The following BICD1 variants were observed in gnomAD, a reference collection of about 807,000 sequenced individuals.
BICD1 encodes the protein BICD cargo adaptor 1.
In BICD1, 35 loss-of-function variants were observed where a neutral mutation model predicts 92.5. The observed-to-expected ratio is 0.38, with a 90% CI of 0.29 to 0.50. The LOEUF is 0.50. Ranked by LOEUF, BICD1 falls within the 20% of genes least tolerant of loss-of-function variation. The probability of loss-of-function intolerance (pLI) is 0.93; values close to 1 mark genes in which losing one functional copy is unlikely to be tolerated. For missense variants in BICD1, 950 were observed against 1,189.8 expected (o/e 0.80, Z 2.97); for synonymous variants, 429 against 465.1 (o/e 0.92, Z 1.00).
At chr12:32,257,543 G>A (rs1477194881) in intron 2 of BICD1, among the ~76,000 whole-genome samples, 1 of 152,092 alleles carries the variant, frequency 6.6e-6, no homozygotes, top group East Asian at 1.9e-4. Context: ...GAGTAGGCAT[G>A]TAATTTGGTA....
chr12:32,225,182 T>C (rs1379570136), intron 2 of BICD1, among the ~76,000 whole-genome samples: 2 of 152,216 alleles, frequency 1.3e-5, no homozygotes, highest in Non-Finnish European at 2.9e-5. Flanking sequence ...TTTTTTTCTT[T>C]TCAGGAATGT....
chr12:32,342,312 C>T lies in BICD1; in HGVS notation c.2764+3333C>T, dbSNP rs182860632. ...CTCTGTCACCCAGGCTGGAGTGGAG[C>T]GGCGCAACCTTGGCTCACTGCAAGC... On this transcript the variant is annotated intron_variant, in intron 8 of 9. Transcript: ENST00000652176. Among the ~76,000 whole-genome samples the T allele has an allele frequency of 5.4e-3, 791 of 145,696 alleles. 4 individuals are homozygous for T. Among genetic ancestry groups the T allele is most frequent in the Middle Eastern group, 0.011 (3 of 276 alleles).
At chr12:32,207,421 G>A (rs161963) in intron 1 of BICD1, among the ~76,000 whole-genome samples, 151,643 of 152,352 alleles carry the variant, frequency 1, 75,474 homozygotes, top group Middle Eastern at 1. Flanking sequence ...ATATTTAGTT[G>A]AGAAGTATGG....
intron 8 of BICD1, among the ~76,000 whole-genome samples, chr12:32,357,716 C>T (rs1482004861): frequency 1.3e-5 from 2 of 152,162 alleles, no homozygotes; most frequent in Admixed American, 1.3e-4. Flanking sequence ...GTCCTCGCAT[C>T]TCTGTGCACT....
chr12:32,216,806 G>A (rs1945375485), intron 2 of BICD1, among the ~76,000 whole-genome samples: 1 of 152,350 alleles, frequency 6.6e-6, no homozygotes, highest in East Asian at 1.9e-4. Flanking sequence ...ACGGTTGGCT[G>A]TAATGCTCTG....
At position 32,306,009 on chromosome 12, in the gene BICD1, G is replaced by A; in HGVS notation, c.892G>A (p.Gly298Arg). The A allele has an allele frequency of 1.2e-6, 2 of 1,614,182 alleles. No individual in the cohort carries two copies. Among genetic ancestry groups the A allele is most frequent in the Non-Finnish European group, 8.5e-7 (1 of 1,180,026 alleles). ...HIHGPLVKLN[G>R]DYRTPTLRKG... is the part of the protein sequence containing the mutation. ...CCATGGGCCTCTTGTGAAACTGAAT[G>A]GAGACTATCGGACTCCCACCTTAAG... The change falls in exon 4 of 10, where the codon GGA becomes AGA. Residue 298 changes from glycine to arginine, a missense_variant. Around this residue, in one of 5 missense-constraint regions of BICD1, gnomAD observed 246 missense variants for 258.4 expected, o/e 0.95. Transcript: ENST00000652176.
chr12:32,340,231 G>A (rs1414571905), intron 8 of BICD1: 8 of 985,208 alleles, frequency 8.1e-6, no homozygotes, highest in African/African-American at 1.7e-5. Context: ...TGCATTTCAC[G>A]TTCTAAAGGT....
chr12:32,296,599 G>A (rs1052612398), intron 3 of BICD1, among the ~76,000 whole-genome samples: 2 of 151,898 alleles, frequency 1.3e-5, no homozygotes, highest in African/African-American at 4.8e-5. Flanking sequence ...GGTTATTGAT[G>A]AAACACATAG....
intron 1 of BICD1, among the ~76,000 whole-genome samples, chr12:32,172,975 C>A (rs1056710840): frequency 1.3e-5 from 2 of 152,198 alleles, no homozygotes; most frequent in Non-Finnish European, 2.9e-5. Flanking sequence ...CATAAAGTGC[C>A]TGAGTTCACC....
intron 2 of BICD1, among the ~76,000 whole-genome samples, chr12:32,217,089 CAG>C (rs1340215709): frequency 2.0e-5 from 3 of 152,208 alleles, no homozygotes; most frequent in African/African-American, 4.8e-5. Flanking sequence ...TTCAAACTGG[CAG>C]AGTCATCCTT....
chr12:32,355,284 C>T (rs1444596745), intron 8 of BICD1, among the ~76,000 whole-genome samples: 1 of 152,144 alleles, frequency 6.6e-6, no homozygotes, highest in Non-Finnish European at 1.5e-5. Context: ...GTAAACTCTC[C>T]TTTCAAGTGA....
At position 32,234,016 on chromosome 12, in the gene BICD1, C is replaced by T. The variant is rs188007123; in HGVS notation, c.426+17557C>T. Among the ~76,000 whole-genome samples, 18 of 152,180 alleles carry T rather than the reference C, an allele frequency of 1.2e-4. No individual in the cohort carries two copies. The East Asian group carries it at 1.9e-3, about 16-fold the overall frequency. ...ACCTAATGAATGAGCTTAGTGATAT[C>T]GTAATGAATTTTTATATATACCTCA... On this transcript the variant is annotated intron_variant, in intron 2 of 9. Transcript: ENST00000652176.
At chr12:32,130,173 C>T (rs1311010110) in intron 1 of BICD1, among the ~76,000 whole-genome samples, 1 of 151,384 alleles carries the variant, frequency 6.6e-6, no homozygotes, top group East Asian at 1.9e-4. Flanking sequence ...CATTAATTTA[C>T]AAAAATTTTA....
chr12:32,312,362 G>T (rs1367724933), intron 4 of BICD1, among the ~76,000 whole-genome samples: 1 of 152,124 alleles, frequency 6.6e-6, no homozygotes, highest in African/African-American at 2.4e-5. Context: ...TTGAAGCCCT[G>T]GTGATAATGC....
chr12:32,230,724 T>TTACC (rs1945859922), intron 2 of BICD1, among the ~76,000 whole-genome samples: 1 of 151,978 alleles, frequency 6.6e-6, no homozygotes, highest in Admixed American at 6.5e-5. Flanking sequence ...CTCACCTCAC[T>TTACC]TTCCAGCCAT....
chr12:32,134,778 A>G (rs1408764283), intron 1 of BICD1, among the ~76,000 whole-genome samples: 1 of 152,218 alleles, frequency 6.6e-6, no homozygotes, highest in African/African-American at 2.4e-5. Flanking sequence ...GTGAAACACC[A>G]TAGTGTCGGG....
At chr12:32,234,336 G>A (rs1009139191) in intron 2 of BICD1, among the ~76,000 whole-genome samples, 5 of 152,098 alleles carry the variant, frequency 3.3e-5, no homozygotes, top group South Asian at 2.1e-4. Flanking sequence ...GGTGGCTCAC[G>A]CCTGTAATCC....
intron 4 of BICD1, among the ~76,000 whole-genome samples, chr12:32,307,947 C>A: frequency 6.6e-6 from 1 of 152,006 alleles, no homozygotes; most frequent in East Asian, 1.9e-4. Context: ...TTTGTTTATT[C>A]CTTTTGTTTT....
At chr12:32,346,359 C>G (rs961083416) in intron 8 of BICD1, among the ~76,000 whole-genome samples, 3 of 147,680 alleles carry the variant, frequency 2.0e-5, no homozygotes, top group African/African-American at 7.5e-5. Flanking sequence ...TCTACAAAAA[C>G]TACAAAAATT....
Sources: allele counts gnomAD v4.1 joint callset (sites outside exome capture counted in the v4.1 genomes callset), GRCh38; gene constraint gnomAD v4.1.1; regional missense constraint gnomAD v4.1.1; transcripts MANE v1.5; gene names NCBI Gene and HGNC (gene_info 2026-07-23, HGNC 2026-07-21).